The following DDX11 variants were observed in gnomAD, a reference collection of about 807,000 sequenced individuals.
The protein encoded by DDX11 is ATP-dependent DNA helicase DDX11.
In DDX11, 72 loss-of-function variants were observed where a neutral mutation model predicts 125.2. That is an observed-to-expected ratio of 0.58 (90% confidence interval 0.48 to 0.70). DDX11 has a LOEUF of 0.70. Among genes scored for constraint, DDX11 ranks in the 30% least tolerant of loss-of-function variants. The probability of loss-of-function intolerance (pLI) is 0.00; values close to 1 mark genes in which losing one functional copy is unlikely to be tolerated. For synonymous variants in DDX11, 347 were observed against 452.6 expected, an observed-to-expected ratio of 0.77 and a Z score of 2.96; for missense variants, 883 against 1,165.0, an observed-to-expected ratio of 0.76 and a Z score of 3.52.
chr12:31,094,818 T>C lies in DDX11; in HGVS notation c.1478T>C (p.Phe493Ser). 1 of 1,612,650 alleles carries C rather than the reference T, an allele frequency of 6.2e-7. No homozygotes were observed. Among genetic ancestry groups the C allele is most frequent in the Non-Finnish European group, 8.5e-7 (1 of 1,178,616 alleles). The change falls in exon 14 of 27, where the codon TTC becomes TCC. Residue 493 changes from phenylalanine to serine, a missense_variant. Phe to Ser is a radical substitution (Grantham distance 155). Coordinates refer to ENST00000542838, the MANE Select transcript of DDX11 (RefSeq NM_030653.4). Reference sequence around the variant, plus strand: ...AGCCAGATCGACAACATCAACCTGTTCAAGGTAGAGGTTTCCACCTTTCCA... The same window carrying C: ...AGCCAGATCGACAACATCAACCTGTCCAAGGTAGAGGTTTCCACCTTTCCA... ...FQSQIDNINL[F>S]KVQRYCEKSM... is the part of the protein sequence containing the mutation.
intron 18 of DDX11, among the ~76,000 whole-genome samples, chr12:31,099,884 C>T (rs930515845): frequency 2.6e-5 from 4 of 152,286 alleles, no homozygotes; most frequent in Non-Finnish European, 2.9e-5. Flanking sequence ...CTTATCCTTT[C>T]AGTCTTTCTT....
chr12:31,101,594 C>T (rs548247873), intron 20 of DDX11: 17 of 573,962 alleles, frequency 3.0e-5, no homozygotes, highest in South Asian at 1.3e-4. Flanking sequence ...CCCCTAGGGA[C>T]GCTAGTGCTG....
Position 31,102,980 on chromosome 12 carries a change from C to T in DDX11, c.2417C>T (p.Ala806Val). The T allele has an allele frequency of 6.2e-7, 1 of 1,613,954 alleles. No individual in the cohort carries two copies. The highest frequency in any genetic ancestry group is 1.3e-5 in the African/African-American group (1 of 75,040). ...ATGCCCTTCCCCAACATCAGGTCTGCAGAGCTGCAGGAGAAGATGGCCTAC... is the reference window on the plus strand; with the variant it reads ...ATGCCCTTCCCCAACATCAGGTCTGTAGAGCTGCAGGAGAAGATGGCCTAC... ...VGMPFPNIRS[A>V]ELQEKMAYLD... is the part of the protein sequence containing the mutation. The change falls in exon 24 of 27, where the codon GCA becomes GTA. Residue 806 changes from alanine (A) to valine (V), a missense_variant. This residue lies in a region of DDX11 where 285 missense variants were observed against 346.0 expected (regional missense o/e 0.82). Coordinates refer to ENST00000542838, the MANE Select transcript of DDX11 (RefSeq NM_030653.4).
At position 31,101,926 on chromosome 12, in the gene DDX11, G is replaced by C. The variant is rs370712554; in HGVS notation, c.2146G>C (p.Val716Leu). Residue 716 changes from valine (V) to leucine (L), a missense_variant, in exon 21 of 27, where the codon GTC becomes CTC. Physicochemically the swap from Val to Leu is conservative, Grantham distance 32 (BLOSUM62 1). This residue lies in a region of DDX11 where 285 missense variants were observed against 346.0 expected (regional missense o/e 0.82). Transcript: ENST00000542838. ...FFPSYEYLRQ[V>L]HAHWEKGGLL... Reference sequence around the variant, plus strand: ...CCCCTCCTACGAGTACCTGCGCCAGGTCCATGCCCACTGGGAGAAGGGTGG... The same window carrying C: ...CCCCTCCTACGAGTACCTGCGCCAGCTCCATGCCCACTGGGAGAAGGGTGG... 1 of 1,613,710 alleles carries C rather than the reference G, an allele frequency of 6.2e-7. No homozygotes were observed. The highest frequency in any genetic ancestry group is 1.3e-5 in the African/African-American group (1 of 74,884).
chr12:31,101,062 G>A lies in DDX11; in HGVS notation c.1984G>A (p.Val662Ile), dbSNP rs201855939. 7.4e-6 allele frequency: 12 copies of A among 1,614,160 alleles called. No individual in the cohort carries two copies. The highest frequency in any genetic ancestry group is 5.0e-5 in the Admixed American group (3 of 60,030). ...CCCTCCAGACAACATCCTGCCCCTC[G>A]TCATCTGCAGCGGGATCTCCAACCA... is the stretch of plus-strand genomic sequence containing the variant. The part of the protein sequence containing the change: ...VIPPDNILPL[V>I]ICSGISNQPL... The change falls in exon 20 of 27, where the codon GTC becomes ATC. Residue 662 changes from valine to isoleucine, a missense_variant. By Grantham distance (29) the Val-to-Ile change is conservative. Around this residue, in one of 5 missense-constraint regions of DDX11, gnomAD observed 285 missense variants for 346.0 expected, o/e 0.82. Transcript: ENST00000542838.
intron 6 of DDX11, among the ~76,000 whole-genome samples, chr12:31,088,726 C>T (rs1943616898): frequency 6.6e-6 from 1 of 152,206 alleles, no homozygotes; most frequent in Non-Finnish European, 1.5e-5. Context: ...AGTGGGGACC[C>T]TTTGCCACGG....
In DDX11 at chr12:31,078,470, T is replaced by C. The variant is rs1941152099; in HGVS notation, c.77T>C (p.Phe26Ser). 6.2e-7 allele frequency: 1 copy of C among 1,611,626 alleles called. No individual in the cohort carries two copies. ...ACACCCTATTCCATCCAGGAAGACT[T>C]CATGGCAGAGCTGTACCGGGTTTTG... ...PFTPYSIQED[F>S]MAELYRVLEA... Residue 26 changes from phenylalanine (F) to serine (S), a missense_variant, in exon 2 of 27, where the codon TTC becomes TCC. Around this residue, in one of 5 missense-constraint regions of DDX11, gnomAD observed 283 missense variants for 359.6 expected, o/e 0.79. Coordinates refer to ENST00000542838, the MANE Select transcript of DDX11 (RefSeq NM_030653.4).
Position 31,096,642 on chromosome 12 carries a change from T to C in DDX11, c.1527T>C (p.Phe509=), listed in dbSNP as rs377608793. The C allele has an allele frequency of 4.5e-5, 73 of 1,613,240 alleles. No individual in the cohort carries two copies. Among genetic ancestry groups the C allele is most frequent in the Non-Finnish European group, 4.2e-5 (50 of 1,179,886 alleles). The change falls in exon 16 of 27, where the codon TTT becomes TTC. Residue 509 remains phenylalanine, a synonymous_variant. Transcript: ENST00000542838. ...CEKSMISRKL[F]GFTERYGAVF... is the part of the protein sequence containing the mutation. ...CTCTCTCTCATCCCACCCAGCTCTT[T>C]GGATTCACTGAACGGTACGGAGCAG...
chr12:31,076,011 C>G (rs200659660), intron 1 of DDX11, among the ~76,000 whole-genome samples: 9,043 of 152,008 alleles, frequency 0.059, 454 homozygotes, highest in East Asian at 0.16. Context: ...TTGAGGAGGA[C>G]TCCTTCTCCA....
At chr12:31,077,918 C>T (rs1424024255) in intron 1 of DDX11, 1 of 318,664 alleles carries the variant, frequency 3.1e-6, no homozygotes, top group Non-Finnish European at 6.2e-6. Context: ...GCTTATGGTC[C>T]TCTGCCTGTG....
chr12:31,102,484 G>A lies in DDX11; in HGVS notation c.2329G>A (p.Gly777Arg). 1 of 1,614,068 alleles carries A rather than the reference G, an allele frequency of 6.2e-7. No individual in the cohort carries two copies. Among genetic ancestry groups the A allele is most frequent in the Non-Finnish European group, 8.5e-7 (1 of 1,179,920 alleles). Reference protein sequence around the residue: ...TGALLLSVVGGKMSEGINFSD... With the variant: ...TGALLLSVVGRKMSEGINFSD... ...GGCCCTGCTCCTCTCTGTGGTTGGA[G>A]GAAAGATGAGTGAAGGGATCAACTT... Residue 777 changes from glycine (G) to arginine (R), a missense_variant, in exon 23 of 27, where the codon GGA becomes AGA. Gly to Arg is a moderately radical substitution (Grantham distance 125). Transcript: ENST00000542838.
At chr12:31,098,091 G>A (rs1172282837) in intron 18 of DDX11, 94 bp downstream of exon 18, 29 of 1,002,108 alleles carry the variant, frequency 2.9e-5, no homozygotes, top group Non-Finnish European at 3.9e-5. Flanking sequence ...CTCTCCTGGG[G>A]CCCCAAGCCA....
chr12:31,090,706 G>A (rs1422863051), intron 9 of DDX11, among the ~76,000 whole-genome samples: 1 of 152,224 alleles, frequency 6.6e-6, no homozygotes, highest in Non-Finnish European at 1.5e-5. Flanking sequence ...TTTAATTTGA[G>A]TGACTTTGGA....
At chr12:31,096,812 G>C in intron 16 of DDX11, 47 bp from the exon 17 acceptor site, 1 of 1,614,208 alleles carries the variant, frequency 6.2e-7, no homozygotes, top group Non-Finnish European at 8.5e-7. Flanking sequence ...TTCCTCATGT[G>C]TGGACCTGAC....
intron 12 of DDX11, 117 bp from the exon 13 acceptor site, chr12:31,094,473 G>A: frequency 1.3e-6 from 2 of 1,532,590 alleles, no homozygotes; most frequent in Non-Finnish European, 1.8e-6. Flanking sequence ...GCAAAACAAA[G>A]CCATTTAAAT....
At chr12:31,098,196 C>T (rs1945662059) in intron 18 of DDX11, among the ~76,000 whole-genome samples, 199 bp downstream of exon 18, 1 of 152,228 alleles carries the variant, frequency 6.6e-6, no homozygotes, top group South Asian at 2.1e-4. Flanking sequence ...GCAGTGGAGA[C>T]TCCTCTGCTG....
Position 31,104,634 on chromosome 12 carries a change from G to A in DDX11, c.*798G>A, listed in dbSNP as rs1804757. 0.076 allele frequency: 11,833 copies of A among 155,102 alleles called. 574 individuals are homozygous for A. The highest frequency in any genetic ancestry group is 0.11 in the Non-Finnish European group (7,885 of 69,936). The allele number at this position is 155,102 out of a possible 1,614,324, so 9.6% of individuals were successfully genotyped here. A position where few individuals can be genotyped will look rare whatever the true frequency, so the allele number is the denominator to read the frequency against. On this transcript the variant is annotated 3_prime_UTR_variant, in exon 27 of 27. Coordinates refer to ENST00000542838, the MANE Select transcript of DDX11 (RefSeq NM_030653.4). ...TGCAACAGCTGCCCCTGCTGACTGCGCCTGTCTTCTCCCTCTGACCCCAGA... is the reference window on the plus strand; with the variant it reads ...TGCAACAGCTGCCCCTGCTGACTGCACCTGTCTTCTCCCTCTGACCCCAGA...
chr12:31,078,110 A>G, intron 1 of DDX11: 3 of 1,057,502 alleles, frequency 2.8e-6, no homozygotes, highest in Non-Finnish European at 4.0e-6. Flanking sequence ...TTAGAAAGGT[A>G]TCGGAGCCAC....
intron 18 of DDX11, among the ~76,000 whole-genome samples, chr12:31,099,810 G>A (rs1331259493): frequency 6.6e-6 from 1 of 151,744 alleles, no homozygotes; most frequent in African/African-American, 2.4e-5. Context: ...ATCTATTCAG[G>A]AAAGCCTCAC....
Sources: allele counts gnomAD v4.1 joint callset (sites outside exome capture counted in the v4.1 genomes callset), GRCh38; gene constraint gnomAD v4.1.1; regional missense constraint gnomAD v4.1.1; transcripts MANE v1.5; gene names NCBI Gene and HGNC (gene_info 2026-07-23, HGNC 2026-07-21).